Variants in TBC1D21 observed in about 807,000 individuals in gnomAD.
TBC1D21 encodes TBC1 domain family member 21, also known as male germ cell Rab GTPase-activating protein.
TBC1D21 carries 38 observed loss-of-function variants against 46.0 expected under a neutral mutation model. That is an observed-to-expected ratio of 0.83 (90% CI 0.64 to 1.08). TBC1D21 has a LOEUF of 1.08. Among genes scored for constraint, TBC1D21 ranks in the 50% least tolerant of loss-of-function variants. The pLI is 0.00. For missense variants in TBC1D21, 415 were observed against 417.9 expected (o/e 0.99, Z 0.06); for synonymous variants, 151 against 157.2 (o/e 0.96, Z 0.29).
intron 4 of TBC1D21, among the ~76,000 whole-genome samples, 186 bp from the exon 5 acceptor site, chr15:73,884,595 G>A (rs2068209125): frequency 6.6e-6 from 1 of 152,206 alleles, no homozygotes; most frequent in Non-Finnish European, 1.5e-5. Flanking sequence ...TTGGAGGTGG[G>A]AAGAAACACA....
At chr15:73,875,004 TG>T (rs1354238918) in intron 1 of TBC1D21, among the ~76,000 whole-genome samples, 1 of 152,102 alleles carries the variant, frequency 6.6e-6, no homozygotes, top group Admixed American at 6.5e-5. Flanking sequence ...CCCAGCACTT[TG>T]GGAGGCCGAA....
chr15:73,901,701 T>C, the TBC1D21 span, among the ~76,000 whole-genome samples: 1 of 152,176 alleles, frequency 6.6e-6, no homozygotes, highest in South Asian at 2.1e-4. Context: ...CCTGGGCTAG[T>C]GGCCGCTTTC....
chr15:73,901,046 GAT>G, the TBC1D21 span, among the ~76,000 whole-genome samples: 2 of 152,196 alleles, frequency 1.3e-5, no homozygotes, highest in African/African-American at 4.8e-5. Context: ...GGAAGTCCAG[GAT>G]GTTAGAAAGT....
the TBC1D21 span, among the ~76,000 whole-genome samples, chr15:73,901,913 G>A: frequency 6.6e-6 from 1 of 152,072 alleles, no homozygotes; most frequent in African/African-American, 2.4e-5. Context: ...CCAAGCTCAA[G>A]CAATTCTCCC....
the TBC1D21 span, among the ~76,000 whole-genome samples, chr15:73,909,008 C>CAGAGGTT: frequency 6.6e-6 from 1 of 152,212 alleles, no homozygotes; most frequent in African/African-American, 2.4e-5. Flanking sequence ...GGCTCCTAAC[C>CAGAGGTT]TCTCCCTGTC....
Position 73,889,193 on chromosome 15 carries a change from T to G in TBC1D21, c.*92T>G. 6.5e-6 allele frequency: 9 copies of G among 1,377,616 alleles called. No homozygotes were observed. The highest frequency in any genetic ancestry group is 9.2e-6 in the Non-Finnish European group (9 of 983,438). 85.3% of individuals were successfully genotyped at this position (1,377,616 alleles called of 1,614,324 possible). A position where few individuals can be genotyped will look rare whatever the true frequency, so the allele number is the denominator to read the frequency against. On this transcript the variant is annotated 3_prime_UTR_variant, in exon 11 of 11. Coordinates refer to ENST00000300504, the MANE Select transcript of TBC1D21 (RefSeq NM_153356.3). ...GAGGGAGTAGATAAAACAGCTGCAA[T>G]ATAAACAGTCCTCTGGAATAATGGT...
At chr15:73,890,298 C>T (rs1220837485), downstream of TBC1D21, among the ~76,000 whole-genome samples, 1 of 152,206 alleles carries the variant, frequency 6.6e-6, no homozygotes, top group Non-Finnish European at 1.5e-5. Context: ...AGGACCAGCT[C>T]TGAGTCTCTT....
chr15:73,885,182 G>A (rs189904012), intron 6 of TBC1D21, 79 bp downstream of exon 6: 2 of 1,309,558 alleles, frequency 1.5e-6, no homozygotes, highest in South Asian at 1.2e-5. Flanking sequence ...AGGATGGGCA[G>A]GCATTGGCCA....
chr15:73,875,635 C>T (rs1045859675), intron 1 of TBC1D21, among the ~76,000 whole-genome samples: 3 of 152,302 alleles, frequency 2.0e-5, no homozygotes, highest in African/African-American at 7.2e-5. Context: ...ATGGCCAAGG[C>T]TTCCTCAGGT....
At chr15:73,897,808 C>T in the TBC1D21 span, among the ~76,000 whole-genome samples, 1 of 152,238 alleles carries the variant, frequency 6.6e-6, no homozygotes, top group African/African-American at 2.4e-5. Flanking sequence ...ACGCCTTGTA[C>T]TCTAGCTGCA....
the TBC1D21 span, among the ~76,000 whole-genome samples, chr15:73,901,718 T>A: frequency 6.6e-6 from 1 of 152,210 alleles, no homozygotes; most frequent in Non-Finnish European, 1.5e-5. Flanking sequence ...TTTCTCATGT[T>A]ACTCCAACCT....
chr15:73,902,007 A>C, the TBC1D21 span, among the ~76,000 whole-genome samples: 76,310 of 151,548 alleles, frequency 0.5, 20,113 homozygotes, highest in East Asian at 0.76. Context: ...AGAGATGGGG[A>C]CTCACTTTGT....
intron 6 of TBC1D21, 56 bp from the exon 7 acceptor site, chr15:73,886,022 C>T (rs1276625105): frequency 6.0e-6 from 9 of 1,507,414 alleles, no homozygotes; most frequent in Admixed American, 5.1e-5. Context: ...AGAGTTGACT[C>T]TTCCGGTGCC....
At position 73,889,134 on chromosome 15, in the gene TBC1D21, C is replaced by T. The variant is rs760637261; in HGVS notation, c.*33C>T. The T allele has an allele frequency of 1.2e-5, 20 of 1,608,586 alleles. No homozygotes were observed. The highest frequency in any genetic ancestry group is 1.6e-4 in the Middle Eastern group (1 of 6,062). On this transcript the variant is annotated 3_prime_UTR_variant, in exon 11 of 11. Coordinates refer to ENST00000300504, the MANE Select transcript of TBC1D21 (RefSeq NM_153356.3). ...AAAGCCCGCAGTGGACTGATGCCTT[C>T]GATGGGCAGGATGAAGGCCAGGGGC... is the stretch of plus-strand genomic sequence containing the variant.
chr15:73,880,456 C>T (rs2068133568), intron 1 of TBC1D21, among the ~76,000 whole-genome samples: 2 of 152,038 alleles, frequency 1.3e-5, no homozygotes, highest in Non-Finnish European at 2.9e-5. Context: ...AAGCAGTGTA[C>T]ATTATTATAG....
chr15:73,898,880 AAT>A, the TBC1D21 span, among the ~76,000 whole-genome samples: 1,479 of 56,756 alleles, frequency 0.026, 100 homozygotes, highest in African/African-American at 0.061. Context: ...AAAAAAAAAA[AAT>A]ATATATATAT....
intron 3 of TBC1D21, 110 bp from the exon 4 acceptor site, chr15:73,884,041 G>A: frequency 1.2e-6 from 1 of 858,140 alleles, no homozygotes; most frequent in Non-Finnish European, 2.0e-6. Flanking sequence ...GCATGGCTGG[G>A]TGAGGGTGCT....
chr15:73,889,355 C>G (rs1438055450), downstream of TBC1D21: 3 of 506,156 alleles, frequency 5.9e-6, no homozygotes, highest in African/African-American at 3.9e-5. Flanking sequence ...CTGGAAGAGA[C>G]TGGGTCAGTG....
At chr15:73,889,480 A>G (rs2141588141), downstream of TBC1D21, among the ~76,000 whole-genome samples, 1 of 152,336 alleles carries the variant, frequency 6.6e-6, no homozygotes, top group East Asian at 1.9e-4. Context: ...GACAAAACTG[A>G]GCACATTTAA....
Sources: allele counts gnomAD v4.1 joint callset (sites outside exome capture counted in the v4.1 genomes callset), GRCh38; gene constraint gnomAD v4.1.1; transcripts MANE v1.5; gene names NCBI Gene and HGNC (gene_info 2026-07-23, HGNC 2026-07-21).